Variants in DENND5A observed in about 807,000 individuals in gnomAD.
DENND5A encodes DENN domain-containing protein 5A.
A neutral mutation model predicts 140.3 loss-of-function variants in DENND5A; 64 were observed. The ratio of observed to expected loss-of-function variants is 0.46; its 90% CI spans 0.37 to 0.56. DENND5A has a LOEUF of 0.56. Ranked by LOEUF, DENND5A falls within the 20% of genes least tolerant of loss-of-function variation. The pLI, the probability that DENND5A is intolerant of heterozygous loss-of-function variation, is 0.00. For synonymous variants in DENND5A, 605 were observed against 607.7 expected (o/e 1.00, Z 0.07); for missense variants, 1,292 against 1,593.8 (o/e 0.81, Z 3.22).
At chr11:9,173,547 G>C (rs1564895849) in intron 8 of DENND5A, among the ~76,000 whole-genome samples, 1 of 152,196 alleles carries the variant, frequency 6.6e-6, no homozygotes, top group Non-Finnish European at 1.5e-5. Context: ...TAGAGACAGG[G>C]TCTCATCATG....
intron 5 of DENND5A, among the ~76,000 whole-genome samples, chr11:9,191,563 C>A (rs940089753): frequency 2.6e-5 from 4 of 152,182 alleles, no homozygotes; most frequent in Non-Finnish European, 4.4e-5. Context: ...CTTAAACAAC[C>A]CATGGTTTCT....
intron 4 of DENND5A, among the ~76,000 whole-genome samples, chr11:9,201,763 T>C (rs1366082383): frequency 6.6e-6 from 1 of 152,018 alleles, no homozygotes; most frequent in Admixed American, 6.6e-5. Context: ...TGCTAAACTA[T>C]TAGGCATCCA....
intron 8 of DENND5A, among the ~76,000 whole-genome samples, chr11:9,174,970 TAAG>T (rs150476987): frequency 0.12 from 17,765 of 150,304 alleles, 1,100 homozygotes; most frequent in South Asian, 0.18. Flanking sequence ...AATAAATAAA[TAAG>T]AAGAAGAAGA....
chr11:9,161,167 G>A (rs1376382583), intron 11 of DENND5A, among the ~76,000 whole-genome samples: 2 of 152,176 alleles, frequency 1.3e-5, no homozygotes, highest in African/African-American at 4.8e-5. Flanking sequence ...CTAACACGGT[G>A]AAACCCCGTC....
At chr11:9,182,812 G>T (rs1848776790) in intron 5 of DENND5A, among the ~76,000 whole-genome samples, 1 of 152,140 alleles carries the variant, frequency 6.6e-6, no homozygotes, top group Admixed American at 6.6e-5. Context: ...CAAAATTATG[G>T]CTAGACAGGA....
At chr11:9,209,064 C>A (rs1849784906) in intron 1 of DENND5A, among the ~76,000 whole-genome samples, 1 of 152,242 alleles carries the variant, frequency 6.6e-6, no homozygotes, top group Non-Finnish European at 1.5e-5. Flanking sequence ...ATAACTGTTT[C>A]TTCCTCCTAA....
intron 1 of DENND5A, among the ~76,000 whole-genome samples, chr11:9,242,187 C>T (rs1221789584): frequency 2.0e-5 from 3 of 152,094 alleles, no homozygotes; most frequent in Non-Finnish European, 4.4e-5. Context: ...AAAACCAAAG[C>T]TTCACAAAGG....
At chr11:9,187,467 C>G (rs1298267588) in intron 5 of DENND5A, among the ~76,000 whole-genome samples, 2 of 152,160 alleles carry the variant, frequency 1.3e-5, no homozygotes, top group Non-Finnish European at 2.9e-5. Context: ...CAAATATCTT[C>G]CGCTCAAGGT....
chr11:9,222,907 T>C (rs939986260), intron 1 of DENND5A, among the ~76,000 whole-genome samples: 8 of 152,250 alleles, frequency 5.3e-5, no homozygotes, highest in Non-Finnish European at 1.0e-4. Context: ...GCTCTTGCTA[T>C]AGCCTACCTT....
intron 1 of DENND5A, among the ~76,000 whole-genome samples, chr11:9,241,556 T>C (rs1851234534): frequency 1.3e-5 from 2 of 152,176 alleles, no homozygotes; most frequent in African/African-American, 2.4e-5. Flanking sequence ...TTGTAAACAA[T>C]TCTAATACAT....
intron 1 of DENND5A, among the ~76,000 whole-genome samples, chr11:9,219,572 A>G (rs1001584071): frequency 1.1e-4 from 16 of 152,254 alleles, no homozygotes; most frequent in Admixed American, 6.5e-5. Flanking sequence ...TTAACAAAAA[A>G]AAACGACTTA....
chr11:9,231,073 T>A (rs1850749423), intron 1 of DENND5A, among the ~76,000 whole-genome samples: 1 of 152,178 alleles, frequency 6.6e-6, no homozygotes, highest in South Asian at 2.1e-4. Flanking sequence ...ATGTAAAGCA[T>A]ATGGGACACA....
At chr11:9,236,775 A>G (rs946866489) in intron 1 of DENND5A, among the ~76,000 whole-genome samples, 1 of 152,038 alleles carries the variant, frequency 6.6e-6, no homozygotes, top group Non-Finnish European at 1.5e-5. Context: ...AAAGGAAGGA[A>G]GGAAGGAAGA....
rs376865430 is a variant in DENND5A, at chr11:9,248,480, C to A, written c.109+16481G>T. ...AGCCTGGGCAACATAGTGACACACT[C>A]ACTATCTCTACAAAAAATTTAAAAA... On this transcript the variant is annotated intron_variant, in intron 1 of 22. Transcript: ENST00000328194. 4.3e-4 allele frequency among the ~76,000 whole-genome samples: 66 copies of A among 151,994 alleles called. No homozygotes were observed. The East Asian group carries it at 0.011, about 24-fold the overall frequency.
intron 16 of DENND5A, 133 bp downstream of exon 16, chr11:9,146,897 C>A (rs1251540032): frequency 1.9e-6 from 2 of 1,067,672 alleles, no homozygotes; most frequent in African/African-American, 1.6e-5. Context: ...ACCTCTCTCC[C>A]CACAGAGGCA....
intron 1 of DENND5A, among the ~76,000 whole-genome samples, chr11:9,250,546 A>T (rs1215061932): frequency 6.6e-6 from 1 of 152,196 alleles, no homozygotes; most frequent in African/African-American, 2.4e-5. Flanking sequence ...TAAAAAAACA[A>T]ACAAACCTCA....
Position 9,178,224 on chromosome 11 carries a change from T to A in DENND5A, c.1814A>T (p.Asp605Val). 3 of 1,614,060 alleles carry A rather than the reference T, an allele frequency of 1.9e-6. No individual in the cohort carries two copies. Among genetic ancestry groups the A allele is most frequent in the Non-Finnish European group, 2.5e-6 (3 of 1,179,950 alleles). ...CAGCCTGATCTTGTCAACTCGGGAATCAAATACCCGGAGTACAGGGTCTTT... is the reference window on the plus strand; with the variant it reads ...CAGCCTGATCTTGTCAACTCGGGAAACAAATACCCGGAGTACAGGGTCTTT... The part of the protein sequence containing the change: ...DDKDPVLRVF[D>V]SRVDKIRLLN... Residue 605 changes from aspartate (D) to valine (V), a missense_variant, in exon 8 of 23, where the codon GAT becomes GTT. Asp to Val is a radical substitution (Grantham distance 152). Transcript: ENST00000328194.
At chr11:9,161,408 G>A (rs1332383032) in intron 11 of DENND5A, among the ~76,000 whole-genome samples, 1 of 152,076 alleles carries the variant, frequency 6.6e-6, no homozygotes, top group Non-Finnish European at 1.5e-5. Context: ...TATGACTCCT[G>A]GCCAGTGATT....
chr11:9,249,362 A>C (rs990901607), intron 1 of DENND5A, among the ~76,000 whole-genome samples: 1 of 151,844 alleles, frequency 6.6e-6, no homozygotes, highest in African/African-American at 2.4e-5. Context: ...GCCTGTGATT[A>C]TTTCTTTTTT....
Sources: allele counts gnomAD v4.1 joint callset (sites outside exome capture counted in the v4.1 genomes callset), GRCh38; gene constraint gnomAD v4.1.1; transcripts MANE v1.5; gene names NCBI Gene and HGNC (gene_info 2026-07-23, HGNC 2026-07-21).